The following AGBL5 variants were observed in gnomAD, a reference collection of about 807,000 sequenced individuals.
The protein encoded by AGBL5 is AGBL carboxypeptidase 5.
In AGBL5, 51 loss-of-function variants were observed where a neutral mutation model predicts 88.0. That is an observed-to-expected ratio of 0.58 (90% CI 0.46 to 0.73). The LOEUF is 0.73. Among genes scored for constraint, AGBL5 ranks in the 30% least tolerant of loss-of-function variants. The pLI is 0.00. For missense variants in AGBL5, 1,031 were observed against 1,162.2 expected, an observed-to-expected ratio of 0.89 and a Z score of 1.64; for synonymous variants, 446 against 438.8, an observed-to-expected ratio of 1.02 and a Z score of -0.21.
At chr2:27,050,388 A>G, upstream of AGBL5, 1 of 152,446 alleles carries the variant, frequency 6.6e-6, no homozygotes. Context: ...GGAGCAGCCA[A>G]AGTGGCCCAT....
At chr2:27,051,410 TTTTA>T (rs1668135806), upstream of AGBL5, 1 of 152,244 alleles carries the variant, frequency 6.6e-6, no homozygotes, top group Non-Finnish European at 1.5e-5. Flanking sequence ...CACGATGTCT[TTTTA>T]TTTCGCAGTT....
chr2:27,056,894 G>GC lies in AGBL5; in HGVS notation c.1535+103dup, dbSNP rs1572818748. On this transcript the variant is annotated intron_variant, in intron 8 of 14. Coordinates refer to ENST00000360131, the MANE Select transcript of AGBL5 (RefSeq NM_021831.6). ...GCTTGTAATCCCAGCTACTGAGGAGGCTGAGGCAGGAGAATCGCTTGAACC... is the reference window on the plus strand; with the variant it reads ...GCTTGTAATCCCAGCTACTGAGGAGGCCTGAGGCAGGAGAATCGCTTGAACC... The GC allele has an allele frequency of 6.0e-6, 8 of 1,326,826 alleles. No individual in the cohort carries two copies. In the East Asian group the frequency reaches 2.0e-4, roughly 33 times the overall value. The allele number at this position is 1,326,826 out of a possible 1,614,324, so 82.2% of individuals were successfully genotyped here.
intron 11 of AGBL5, among the ~76,000 whole-genome samples, chr2:27,064,898 C>T (rs1404747910): frequency 1.3e-5 from 2 of 151,376 alleles, no homozygotes; most frequent in African/African-American, 2.4e-5. Context: ...GGATTACAGG[C>T]GCTCACCACC....
intron 11 of AGBL5, among the ~76,000 whole-genome samples, chr2:27,065,786 A>T (rs757463906): frequency 2.0e-5 from 3 of 152,210 alleles, no homozygotes; most frequent in Non-Finnish European, 4.4e-5. Context: ...GACATGAAAG[A>T]TGGTCATGGT....
At chr2:27,052,783 C>T (rs563157673) in intron 1 of AGBL5, 130 bp from the exon 2 acceptor site, 5 of 513,934 alleles carry the variant, frequency 9.7e-6, no homozygotes, top group Admixed American at 4.1e-5. Context: ...TCTATGTTTT[C>T]TAAGAGGGAG....
At position 27,062,062 on chromosome 2, in the gene AGBL5, G is replaced by A. The variant is rs143623616; in HGVS notation, c.2089+2658G>A. On this transcript the variant is annotated intron_variant, in intron 11 of 14. Coordinates refer to ENST00000360131, the MANE Select transcript of AGBL5 (RefSeq NM_021831.6). Reference sequence around the variant, plus strand: ...CTCCTGACCTCAGGCGGATTCACCCGCCTCAGCTTCCCAAAGTGCTGGGAC... The same window carrying A: ...CTCCTGACCTCAGGCGGATTCACCCACCTCAGCTTCCCAAAGTGCTGGGAC... 2.5e-4 allele frequency among the ~76,000 whole-genome samples: 37 copies of A among 149,572 alleles called. No individual in the cohort carries two copies. The East Asian group carries it at 7.0e-3, about 28-fold the overall frequency.
rs374072681 is a variant in AGBL5 at position 27,057,320 on chromosome 2, A to G, written c.1553A>G (p.Asn518Ser). The G allele has an allele frequency of 1.4e-5, 22 of 1,613,492 alleles. No individual in the cohort carries two copies. The highest frequency in any genetic ancestry group is 1.7e-5 in the Non-Finnish European group (20 of 1,179,780). The change falls in exon 9 of 15, where the codon AAC (asparagine) becomes AGC (serine). Residue 518 changes from asparagine (N) to serine (S), a missense_variant. Asn to Ser is a conservative substitution (Grantham distance 46, BLOSUM62 1). Transcript: ENST00000360131. ...GIIHSYTLEC[N>S]YNTGRSVNSI... The stretch of plus-strand genomic sequence containing the variant: ...TGTCTTAGCTACACACTTGAATGCA[A>G]CTACAACACTGGACGCTCAGTAAAC...
chr2:27,059,549 C>T (rs571278351), intron 11 of AGBL5, 145 bp downstream of exon 11: 2 of 1,512,622 alleles, frequency 1.3e-6, no homozygotes, highest in East Asian at 4.5e-5. Flanking sequence ...GTGGCCTCTC[C>T]TACGACCTTG....
At position 27,064,840 on chromosome 2, in the gene AGBL5, G is replaced by A. The variant is rs113588692; in HGVS notation, c.2090-2654G>A. ...CCGATCTCAGCTCACTGCAATCTCC[G>A]CTTCCCGAGTTCAGGTGATTCTCCT... On this transcript the variant is annotated intron_variant, in intron 11 of 14. Transcript: ENST00000360131. Among the ~76,000 whole-genome samples, 703 of 129,836 alleles carry A rather than the reference G, an allele frequency of 5.4e-3. 6 individuals carry two copies. Among genetic ancestry groups the A allele is most frequent in the African/African-American group, 0.017 (599 of 34,288 alleles). The allele number at this position is 129,836 out of a possible 152,430, so 85.2% of individuals were successfully genotyped here. A position where few individuals can be genotyped will look rare whatever the true frequency, so the allele number is the denominator to read the frequency against.
At chr2:27,052,334 C>G (rs947122347) in intron 1 of AGBL5, 1 of 152,320 alleles carries the variant, frequency 6.6e-6, no homozygotes, top group Non-Finnish European at 1.5e-5. Context: ...CCATACTAGG[C>G]ATAAGGTAGG....
Position 27,058,515 on chromosome 2 carries a change from A to G in AGBL5, c.1787A>G (p.His596Arg), listed in dbSNP as rs149289474. 1.9e-6 allele frequency: 3 copies of G among 1,614,204 alleles called. No individual in the cohort carries two copies. Among genetic ancestry groups the G allele is most frequent in the Non-Finnish European group, 1.7e-6 (2 of 1,180,032 alleles). ...AATCTACGGGCCTGGATGCTGAAAC[A>G]TGTACGCAACAGCCGAGGCCTAAGC... The part of the protein sequence containing the change: ...LTNLRAWMLK[H>R]VRNSRGLSST... Residue 596 changes from histidine (H) to arginine (R), a missense_variant, in exon 10 of 15, where the codon CAT (histidine) becomes CGT (arginine). Around this residue, in one of 2 missense-constraint regions of AGBL5, gnomAD observed 491 missense variants for 484.0 expected, o/e 1.01. Transcript: ENST00000360131.
At chr2:27,068,563 C>T in intron 12 of AGBL5, 69 bp from the exon 13 acceptor site, 1 of 1,420,088 alleles carries the variant, frequency 7.0e-7, no homozygotes, top group Non-Finnish European at 9.8e-7. Context: ...GTTAAGAAAC[C>T]CTGATCCTTT....
chr2:27,059,367 C>G lies in AGBL5; in HGVS notation c.2052C>G (p.Thr684=), dbSNP rs747030482. Residue 684 remains threonine, a synonymous_variant, in exon 11 of 15, where the codon ACC becomes ACG. Transcript: ENST00000360131. ...PAGLPGLGSS[T]QKVTHRVLGP... ...GGCTGCCAGGCCTGGGCTCTAGTAC[C>G]CAAAAGGTCACCCACCGGGTGCTGG... 2 of 1,614,186 alleles carry G rather than the reference C, an allele frequency of 1.2e-6. No homozygotes were observed. Among genetic ancestry groups the G allele is most frequent in the Non-Finnish European group, 1.7e-6 (2 of 1,180,040 alleles).
rs766193452 is a variant in AGBL5, at chr2:27,055,744, C to T, written c.971C>T (p.Pro324Leu). 4.3e-6 allele frequency: 7 copies of T among 1,614,056 alleles called. No individual in the cohort carries two copies. The highest frequency in any genetic ancestry group is 5.9e-6 in the Non-Finnish European group (7 of 1,180,040). The change falls in exon 7 of 15, where the codon CCG becomes CTG. Residue 324 changes from proline to leucine, a missense_variant. Pro to Leu is a moderately conservative substitution (Grantham distance 98). Transcript: ENST00000360131. ...CTGAAGCCTGATGCCGTCCTGCACCCGGCCATCTATGGGGCCAAAGCTGTG... is the reference window on the plus strand; with the variant it reads ...CTGAAGCCTGATGCCGTCCTGCACCTGGCCATCTATGGGGCCAAAGCTGTG... ...QYLKPDAVLH[P>L]AIYGAKAVLL...
intron 7 of AGBL5, 172 bp from the exon 8 acceptor site, chr2:27,056,451 C>T (rs1210052437): frequency 7.3e-6 from 5 of 680,906 alleles, no homozygotes; most frequent in Non-Finnish European, 1.2e-5. Context: ...AGAATTGCTT[C>T]CCAACACCTA....
intron 4 of AGBL5, chr2:27,054,363 C>T (rs1471003190): frequency 1.8e-5 from 10 of 553,748 alleles, no homozygotes; most frequent in East Asian, 3.0e-5. Flanking sequence ...TTTATCTGCC[C>T]CCACGGAGAA....
chr2:27,050,674 G>A (rs1477997507), upstream of AGBL5, among the ~76,000 whole-genome samples: 11 of 152,236 alleles, frequency 7.2e-5, no homozygotes. Context: ...AGGTCCCATG[G>A]GTCTCCTGCC....
At chr2:27,062,235 T>G (rs766913115) in intron 11 of AGBL5, among the ~76,000 whole-genome samples, 32 of 151,232 alleles carry the variant, frequency 2.1e-4, no homozygotes, top group Non-Finnish European at 4.3e-4. Context: ...GTGATTATCC[T>G]GCTTCAGCCT....
In AGBL5 at chr2:27,069,697, C is replaced by T; in HGVS notation, c.2480C>T (p.Ala827Val). ...GAGCTGGAGCTGGGATCCTGCTCTG[C>T]TACACCAGGGTGAGCACTTGGGTCC... ...SSELELGSCS[A>V]TPGLPQARPP... Residue 827 changes from alanine (A) to valine (V), a missense_variant, in exon 14 of 15, where the codon GCT becomes GTT. Transcript: ENST00000360131. The T allele has an allele frequency of 6.2e-7, 1 of 1,614,020 alleles. No individual in the cohort carries two copies. The highest frequency in any genetic ancestry group is 8.5e-7 in the Non-Finnish European group (1 of 1,179,930).
Sources: allele counts gnomAD v4.1 joint callset (sites outside exome capture counted in the v4.1 genomes callset), GRCh38; gene constraint gnomAD v4.1.1; regional missense constraint gnomAD v4.1.1; transcripts MANE v1.5; gene names NCBI Gene and HGNC (gene_info 2026-07-23, HGNC 2026-07-21).